The following PDZD2 variants were observed in gnomAD, a reference collection of about 807,000 sequenced individuals.
PDZD2 encodes the protein PDZ domain-containing protein 2.
A neutral mutation model predicts 220.7 loss-of-function variants in PDZD2; 90 were observed. That is an observed-to-expected ratio of 0.41 (90% confidence interval 0.34 to 0.49). The LOEUF is 0.49. Ranked by LOEUF, PDZD2 falls within the 20% of genes least tolerant of loss-of-function variation. The probability of loss-of-function intolerance (pLI) is 0.28; values close to 1 mark genes in which losing one functional copy is unlikely to be tolerated. For missense variants in PDZD2, 3,174 were observed against 3,608.5 expected (o/e 0.88, Z 3.08); for synonymous variants, 1,375 against 1,450.5 (o/e 0.95, Z 1.18).
chr5:31,946,353 C>G (rs1746628706), intron 2 of PDZD2, among the ~76,000 whole-genome samples: 1 of 152,208 alleles, frequency 6.6e-6, no homozygotes, highest in Non-Finnish European at 1.5e-5. Context: ...TATTAATTAT[C>G]TGTGTTCTTG....
intron 2 of PDZD2, among the ~76,000 whole-genome samples, chr5:31,889,624 C>T (rs1297976449): frequency 6.6e-6 from 1 of 152,182 alleles, no homozygotes; most frequent in Non-Finnish European, 1.5e-5. Flanking sequence ...GCCCTTTACT[C>T]GCCAACACTT....
At chr5:32,061,425 G>T (rs1037620925) in intron 14 of PDZD2, among the ~76,000 whole-genome samples, 2 of 152,014 alleles carry the variant, frequency 1.3e-5, no homozygotes, top group African/African-American at 4.8e-5. Flanking sequence ...AACCTCTTTG[G>T]GTTTTTGCAA....
At chr5:31,736,175 T>C (rs1048572008) in intron 1 of PDZD2, among the ~76,000 whole-genome samples, 1 of 152,216 alleles carries the variant, frequency 6.6e-6, no homozygotes, top group Non-Finnish European at 1.5e-5. Context: ...ATTTGATGAC[T>C]TGAGGCAACT....
chr5:31,793,095 C>T (rs1753814986), intron 1 of PDZD2, among the ~76,000 whole-genome samples: 1 of 152,124 alleles, frequency 6.6e-6, no homozygotes, highest in South Asian at 2.1e-4. Flanking sequence ...ACCTTGGCCT[C>T]CCAAAGTGCT....
intron 2 of PDZD2, among the ~76,000 whole-genome samples, chr5:31,827,082 C>T (rs1172704785): frequency 1.3e-5 from 2 of 152,180 alleles, no homozygotes; most frequent in African/African-American, 4.8e-5. Flanking sequence ...GCATCCTGGC[C>T]AGGGAACCTT....
intron 1 of PDZD2, among the ~76,000 whole-genome samples, chr5:31,795,183 C>T (rs1211496107): frequency 6.6e-6 from 1 of 152,126 alleles, no homozygotes; most frequent in African/African-American, 2.4e-5. Flanking sequence ...TGGGTAGGAT[C>T]GAGCTTTGGT....
chr5:31,878,555 CTTTTTT>C (rs397884384), intron 2 of PDZD2, among the ~76,000 whole-genome samples: 3,698 of 48,220 alleles, frequency 0.077, 354 homozygotes, highest in African/African-American at 0.24. Context: ...ATGACCTCGG[CTTTTTT>C]TTTTTTTTTT....
chr5:32,090,275 G>T lies in PDZD2; in HGVS notation c.6827G>T (p.Gly2276Val), dbSNP rs1409773334. ...CTTCCCAGCCTGGCTAATGGACAGG[G>T]CATATATAGTGTAAAGCCGCTGCTG... ...GGLPSLANGQ[G>V]IYSVKPLLDT... The change falls in exon 20 of 25, where the codon GGC becomes GTC. Residue 2276 changes from glycine (G) to valine (V), a missense_variant. By Grantham distance (109) the Gly-to-Val change is moderately radical (BLOSUM62 -3). Transcript: ENST00000438447. The surrounding 1 kb of genome is among the most constrained non-coding windows in gnomAD (Gnocchi z 4.3). The T allele has an allele frequency of 1.4e-5, 22 of 1,614,180 alleles. No homozygotes were observed. The highest frequency in any genetic ancestry group is 1.8e-5 in the Non-Finnish European group (21 of 1,180,036).
chr5:32,105,592 T>TACTA (rs1466841196), intron 24 of PDZD2, among the ~76,000 whole-genome samples: 3 of 152,190 alleles, frequency 2.0e-5, no homozygotes, highest in Non-Finnish European at 2.9e-5. Context: ...TCTCTCTATA[T>TACTA]ACTAACTGGG....
At chr5:31,785,947 G>A (rs1446052879) in intron 1 of PDZD2, among the ~76,000 whole-genome samples, 1 of 152,082 alleles carries the variant, frequency 6.6e-6, no homozygotes, top group Non-Finnish European at 1.5e-5. Context: ...TGGCACATGA[G>A]TAGCAAAGGG....
intron 6 of PDZD2, 146 bp downstream of exon 6, chr5:32,010,628 C>A (rs911133524): frequency 1.4e-6 from 1 of 735,854 alleles, no homozygotes; most frequent in Admixed American, 1.9e-5. Flanking sequence ...ATGTTTTTCT[C>A]GGAATCTCTG....
At chr5:31,691,264 C>T (rs568606628) in intron 1 of PDZD2, among the ~76,000 whole-genome samples, 4 of 151,416 alleles carry the variant, frequency 2.6e-5, no homozygotes, top group African/African-American at 7.3e-5. Flanking sequence ...TCGTTCCTCC[C>T]GGTGGGCTCG....
chr5:31,734,284 G>A (rs1379423226), intron 1 of PDZD2, among the ~76,000 whole-genome samples: 1 of 152,094 alleles, frequency 6.6e-6, no homozygotes, highest in Non-Finnish European at 1.5e-5. Context: ...CAGCAATCTG[G>A]AAGTACTCCA....
intron 2 of PDZD2, among the ~76,000 whole-genome samples, chr5:31,802,836 C>A (rs1561471670): frequency 6.6e-6 from 1 of 150,508 alleles, no homozygotes; most frequent in Non-Finnish European, 1.5e-5. Context: ...AGGAGAATGG[C>A]CTGAACCCAG....
chr5:32,074,353 A>G lies in PDZD2; in HGVS notation c.3247A>G (p.Ser1083Gly), dbSNP rs1329030153. The G allele has an allele frequency of 2.5e-6, 4 of 1,614,090 alleles. No individual in the cohort carries two copies. The African/African-American group carries it at 5.3e-5, about 22-fold the overall frequency. ...GAAGAAGGAACTGTCAGGATCAAGTAGCGCACCCAAATTGGAATACACAGT... is the reference window on the plus strand; with the variant it reads ...GAAGAAGGAACTGTCAGGATCAAGTGGCGCACCCAAATTGGAATACACAGT... Reference protein sequence around the residue: ...WWKKELSGSSSAPKLEYTVRT... With the variant: ...WWKKELSGSSGAPKLEYTVRT... Residue 1083 changes from serine to glycine, a missense_variant, in exon 18 of 25, where the codon AGC (serine) becomes GGC (glycine). Transcript: ENST00000438447.
chr5:32,002,733 C>T (rs1241033964), intron 5 of PDZD2, among the ~76,000 whole-genome samples: 7 of 108,556 alleles, frequency 6.4e-5, no homozygotes, highest in African/African-American at 2.5e-4. Context: ...CCAACACACA[C>T]ACCCCACACA....
At chr5:31,779,396 G>A (rs979306805) in intron 1 of PDZD2, among the ~76,000 whole-genome samples, 25 of 87,248 alleles carry the variant, frequency 2.9e-4, no homozygotes, top group African/African-American at 8.5e-4. Context: ...TTTTTTTTGA[G>A]ATGGAGTCTT....
At chr5:31,993,416 C>G (rs1343324829) in intron 3 of PDZD2, among the ~76,000 whole-genome samples, 1 of 152,238 alleles carries the variant, frequency 6.6e-6, no homozygotes, top group African/African-American at 2.4e-5. Flanking sequence ...AGGTCTCTGT[C>G]TGCTAATAAT....
At chr5:31,926,180 A>G (rs1359566839) in intron 2 of PDZD2, among the ~76,000 whole-genome samples, 2 of 151,566 alleles carry the variant, frequency 1.3e-5, no homozygotes, top group African/African-American at 4.9e-5. Flanking sequence ...TGATTGTGCC[A>G]CTGTGCCCCA....
Sources: allele counts gnomAD v4.1 joint callset (sites outside exome capture counted in the v4.1 genomes callset), GRCh38; gene constraint gnomAD v4.1.1; non-coding constraint Gnocchi (gnomAD v3.1); transcripts MANE v1.5; gene names NCBI Gene and HGNC (gene_info 2026-07-23, HGNC 2026-07-21).